ADAMTS3: variants seen among roughly 807,000 people sequenced by gnomAD.
ADAMTS3 encodes the protein ADAM metallopeptidase with thrombospondin type 1 motif 3, also known as A disintegrin and metalloproteinase with thrombospondin motifs 3.
A neutral mutation model predicts 129.0 loss-of-function variants in ADAMTS3; 73 were observed. The ratio of observed to expected loss-of-function variants is 0.57; its 90% CI spans 0.47 to 0.69. The LOEUF (loss-of-function observed/expected upper bound fraction) is 0.69, where lower values mean the gene tolerates loss of function less well. Ranked by LOEUF, ADAMTS3 falls within the 30% of genes least tolerant of loss-of-function variation. The pLI, the probability that ADAMTS3 is intolerant of heterozygous loss-of-function variation, is 0.00. For synonymous variants in ADAMTS3, 477 were observed against 510.8 expected (o/e 0.93, Z 0.89); for missense variants, 1,457 against 1,514.5 (o/e 0.96, Z 0.63).
At position 72,540,970 on chromosome 4, in the gene ADAMTS3, G is replaced by A. The variant is rs561629276; in HGVS notation, c.504+7508C>T. The stretch of plus-strand genomic sequence containing the variant: ...GAGCCCCCACACAGAGTCCCTACTG[G>A]AGTACCACCTAGTGGAGCTGTGAGA... On this transcript the variant is annotated intron_variant, in intron 3 of 21. Coordinates refer to ENST00000286657, the MANE Select transcript of ADAMTS3 (RefSeq NM_014243.3). Among the ~76,000 whole-genome samples the A allele has an allele frequency of 7.2e-5, 11 of 152,312 alleles. No individual in the cohort carries two copies. The East Asian group carries it at 1.9e-3, about 27-fold the overall frequency.
intron 15 of ADAMTS3, among the ~76,000 whole-genome samples, chr4:72,306,643 G>C (rs1455128498): frequency 6.6e-6 from 1 of 151,864 alleles, no homozygotes; most frequent in Admixed American, 6.6e-5. Context: ...TAAAGCTTTA[G>C]GCAAGTTTTA....
At chr4:72,290,815 A>G in intron 20 of ADAMTS3, 40 bp downstream of exon 20, 3 of 1,590,698 alleles carry the variant, frequency 1.9e-6, no homozygotes, top group Non-Finnish European at 2.6e-6. Flanking sequence ...ATGCTTACAC[A>G]CACACTTTAC....
chr4:72,284,701 A>C (rs1276058316), intron 21 of ADAMTS3, among the ~76,000 whole-genome samples: 1 of 152,224 alleles, frequency 6.6e-6, no homozygotes, highest in African/African-American at 2.4e-5. Flanking sequence ...AGTAATACTC[A>C]TAAAACACTT....
intron 5 of ADAMTS3, among the ~76,000 whole-genome samples, chr4:72,327,922 C>A (rs1719739768): frequency 1.3e-5 from 2 of 151,626 alleles, no homozygotes; most frequent in Non-Finnish European, 2.9e-5. Flanking sequence ...AACAGTATTC[C>A]AGAAAATATT....
At chr4:72,524,672 T>G (rs1178998642) in intron 3 of ADAMTS3, among the ~76,000 whole-genome samples, 1 of 152,142 alleles carries the variant, frequency 6.6e-6, no homozygotes, top group African/African-American at 2.4e-5. Flanking sequence ...TCTGTTCCCT[T>G]AACCAGTAGC....
At chr4:72,468,094 G>GA (rs987912568) in intron 3 of ADAMTS3, among the ~76,000 whole-genome samples, 6 of 151,174 alleles carry the variant, frequency 4.0e-5, no homozygotes, top group South Asian at 2.1e-4. Context: ...TTTTCAGTCT[G>GA]AAAAAAAAAT....
intron 3 of ADAMTS3, among the ~76,000 whole-genome samples, chr4:72,490,352 G>C (rs912960767): frequency 6.6e-6 from 1 of 151,738 alleles, no homozygotes; most frequent in Non-Finnish European, 1.5e-5. Flanking sequence ...TTTTCACTTT[G>C]ATGTAAATTC....
chr4:72,464,851 G>A (rs16848000), intron 3 of ADAMTS3, among the ~76,000 whole-genome samples: 2,936 of 152,080 alleles, frequency 0.019, 127 homozygotes, highest in East Asian at 0.19. Context: ...AGTTTCAGGC[G>A]TTTGTGTGTC....
chr4:72,528,647 G>A (rs182261018), intron 3 of ADAMTS3, among the ~76,000 whole-genome samples: 8 of 152,030 alleles, frequency 5.3e-5, no homozygotes, highest in Non-Finnish European at 5.9e-5. Context: ...TACTCAGGAG[G>A]ATGGAATTTA....
chr4:72,439,560 C>A (rs910693035), intron 3 of ADAMTS3, among the ~76,000 whole-genome samples: 2 of 151,124 alleles, frequency 1.3e-5, no homozygotes, highest in African/African-American at 4.9e-5. Flanking sequence ...TTAATAATTC[C>A]TAAGTTTCAT....
chr4:72,348,119 A>G (rs767658910), intron 4 of ADAMTS3, among the ~76,000 whole-genome samples: 11 of 152,226 alleles, frequency 7.2e-5, no homozygotes, highest in Admixed American at 1.3e-4. Flanking sequence ...AAAGGCTCTG[A>G]ACACCACTTT....
chr4:72,295,698 T>G lies in ADAMTS3; in HGVS notation c.2679A>C (p.Lys893Asn), dbSNP rs746648987. The stretch of plus-strand genomic sequence containing the variant: ...GAATATTGCACATTCGTCTAATAGG[T>G]TTCGGCTTTTTGTTGGCCTCACAGA... The part of the protein sequence containing the change: ...RSFCEANKKP[K>N]PIRRMCNIQE... The change falls in exon 19 of 22, where the codon AAA (lysine) becomes AAC (asparagine). Residue 893 changes from lysine (K) to asparagine (N), a missense_variant. Transcript: ENST00000286657. 4.3e-6 allele frequency: 7 copies of G among 1,613,046 alleles called. No homozygotes were observed. The highest frequency in any genetic ancestry group is 5.1e-6 in the Non-Finnish European group (6 of 1,179,192).
rs941578745 is a variant in ADAMTS3 at position 72,339,669 on chromosome 4, T to C, written c.686A>G (p.Asp229Gly). The C allele has an allele frequency of 3.1e-6, 5 of 1,613,660 alleles. No homozygotes were observed. The highest frequency in any genetic ancestry group is 1.1e-5 in the South Asian group (1 of 91,082). The change falls in exon 5 of 22, where the codon GAT becomes GGT. Residue 229 changes from aspartate (D) to glycine (G), a missense_variant. Asp to Gly is a moderately conservative substitution (Grantham distance 94). Transcript: ENST00000286657. ...YRESDLEGLD[D>G]LGTVYGNIHQ... ...GATGTTGCCATAAACAGTACCTAGA[T>C]CATCAAGGCCTTCCAGGTCCGACTC...
At chr4:72,481,803 T>C (rs561087048) in intron 3 of ADAMTS3, among the ~76,000 whole-genome samples, 22 of 152,160 alleles carry the variant, frequency 1.4e-4, no homozygotes, top group African/African-American at 5.3e-4. Context: ...TTTTCTAGAA[T>C]AGATTAGCTC....
chr4:72,562,904 T>C (rs1251002535), intron 2 of ADAMTS3, among the ~76,000 whole-genome samples: 2 of 152,202 alleles, frequency 1.3e-5, no homozygotes, highest in Non-Finnish European at 2.9e-5. Flanking sequence ...TAAAGTTCCA[T>C]TGAAGTCATC....
intron 3 of ADAMTS3, among the ~76,000 whole-genome samples, chr4:72,423,589 G>C (rs1722499098): frequency 1.3e-5 from 2 of 151,604 alleles, no homozygotes; most frequent in South Asian, 4.2e-4. Flanking sequence ...TAAGTTTTAG[G>C]GTACATGTGC....
intron 4 of ADAMTS3, among the ~76,000 whole-genome samples, chr4:72,381,762 C>G (rs1721294294): frequency 6.6e-6 from 1 of 151,142 alleles, no homozygotes; most frequent in Admixed American, 6.6e-5. Context: ...CACTATATAC[C>G]ATTTTGCAGG....
chr4:72,530,593 T>TA (rs1491221584), intron 3 of ADAMTS3, among the ~76,000 whole-genome samples: 10 of 82,556 alleles, frequency 1.2e-4, no homozygotes, highest in African/African-American at 2.0e-4. Context: ...TAAATATATA[T>TA]TAATATTAAA....
At chr4:72,335,363 G>A (rs1719963281) in intron 5 of ADAMTS3, among the ~76,000 whole-genome samples, 2 of 152,014 alleles carry the variant, frequency 1.3e-5, no homozygotes, top group Non-Finnish European at 2.9e-5. Flanking sequence ...TAGGAAATAC[G>A]GCCCTGAAAT....
Sources: gnomAD v4.1 joint callset for allele counts (sites outside exome capture counted in the v4.1 genomes callset) on GRCh38, gnomAD v4.1.1 for gene constraint, MANE v1.5 for transcripts, NCBI Gene and HGNC (gene_info 2026-07-23, HGNC 2026-07-21) for gene names.